The following WNT5B variants were observed in gnomAD, a reference collection of about 807,000 sequenced individuals.
WNT5B encodes the protein protein Wnt-5b.
Under a neutral mutation model 36.5 loss-of-function variants are expected in WNT5B, and 18 were observed. The ratio of observed to expected loss-of-function variants is 0.49; its 90% confidence interval spans 0.34 to 0.73. WNT5B has a LOEUF of 0.73. Among genes scored for constraint, WNT5B ranks in the 30% least tolerant of loss-of-function variants. The pLI is 0.01. For synonymous variants in WNT5B, 213 were observed against 212.3 expected (o/e 1.00, Z -0.03); for missense variants, 424 against 508.4 (o/e 0.83, Z 1.60).
intron 3 of WNT5B, among the ~76,000 whole-genome samples, chr12:1,639,434 G>A: frequency 6.6e-6 from 1 of 152,180 alleles, no homozygotes; most frequent in African/African-American, 2.4e-5. Context: ...ACCGCGCCGG[G>A]CCAGGGACTT....
intron 4 of WNT5B, among the ~76,000 whole-genome samples, chr12:1,642,217 C>T (rs1389870980): frequency 2.6e-5 from 4 of 152,172 alleles, no homozygotes; most frequent in Non-Finnish European, 4.4e-5. Flanking sequence ...TTGGCTGTCT[C>T]CCAGTCTATT....
chr12:1,632,924 AG>A lies in WNT5B; in HGVS notation c.328+22del. On this transcript the variant is annotated intron_variant, in intron 3 of 4. Coordinates refer to ENST00000397196, the MANE Select transcript of WNT5B (RefSeq NM_032642.3). This position sits in a 1 kb window ranked among gnomAD's most constrained non-coding sequence, Gnocchi z 5.8. ...CAGATAGGTAAGAGGCCATTACAAG[AG>A]GGCTCGGCCAAGGAACTGCACTCGT... 6.3e-7 allele frequency: 1 copy of A among 1,591,588 alleles called. No individual in the cohort carries two copies. The highest frequency in any genetic ancestry group is 1.1e-5 in the South Asian group (1 of 89,386).
At chr12:1,622,840 T>C (rs7312426) in intron 1 of WNT5B, among the ~76,000 whole-genome samples, 120,567 of 152,176 alleles carry the variant, frequency 0.79, 48,431 homozygotes, top group African/African-American at 0.9. Context: ...TTAAATGCTG[T>C]GGCTAAAACA....
chr12:1,631,374 TGTTCAC>T lies in WNT5B; in HGVS notation c.22_27del (p.Phe8_Thr9del), dbSNP rs934522436. On this transcript the variant is annotated inframe_deletion, in exon 2 of 5. Transcript: ENST00000397196. ...CCGACCATGCCCAGCCTGCTGCTGC[TGTTCAC>T]GGCTGCTCTGCTGTCCAGCTGGGCT... 4 of 1,614,064 alleles carry T rather than the reference TGTTCAC, an allele frequency of 2.5e-6. No homozygotes were observed. The African/African-American group carries it at 4.0e-5, about 16-fold the overall frequency.
rs1435163515 is a variant in WNT5B at position 1,633,270 on chromosome 12, C to T, written c.328+365C>T. On this transcript the variant is annotated intron_variant, in intron 3 of 4. Coordinates refer to ENST00000397196, the MANE Select transcript of WNT5B (RefSeq NM_032642.3). The surrounding 1 kb of genome is among the most constrained non-coding windows in gnomAD (Gnocchi z 4.8). ...CCGCCACTGCCTTTGTGTCTCAGTG[C>T]AAAAAAGAGCCTTGGGTAGAGAACC... 6.6e-6 allele frequency among the ~76,000 whole-genome samples: 1 copy of T among 151,980 alleles called. No individual in the cohort carries two copies. Among genetic ancestry groups the T allele is most frequent in the Non-Finnish European group, 1.5e-5 (1 of 67,954 alleles).
At position 1,632,804 on chromosome 12, in the gene WNT5B, C is replaced by T. The variant is rs772660910; in HGVS notation, c.227C>T (p.Ala76Val). ...QEHMAYIGEG[A>V]KTGIKECQHQ... is the part of the protein sequence containing the mutation. ...CACATGGCCTACATAGGGGAGGGAG[C>T]CAAGACTGGCATCAAGGAATGCCAG... Residue 76 changes from alanine to valine, a missense_variant, in exon 3 of 5, where the codon GCC becomes GTC. Ala to Val is a moderately conservative substitution (Grantham distance 64). Transcript: ENST00000397196. The surrounding 1 kb of genome is among the most constrained non-coding windows in gnomAD (Gnocchi z 5.8). The T allele has an allele frequency of 1.9e-6, 3 of 1,614,150 alleles. No individual in the cohort carries two copies. Among genetic ancestry groups the T allele is most frequent in the Non-Finnish European group, 2.5e-6 (3 of 1,180,012 alleles).
At chr12:1,631,873 T>C (rs11061882) in intron 2 of WNT5B, among the ~76,000 whole-genome samples, 7,791 of 152,286 alleles carry the variant, frequency 0.051, 292 homozygotes, top group East Asian at 0.12. Flanking sequence ...TCTTATGTTT[T>C]AAGGGCTGTT....
At position 1,633,825 on chromosome 12, in the gene WNT5B, C is replaced by T. The variant is rs113297440; in HGVS notation, c.328+920C>T. ...GGAGTTGGGGAGGTAGAGATTTCTT[C>T]GTGCTCCTCTCTTAGGGAGGATACT... is the stretch of plus-strand genomic sequence containing the variant. On this transcript the variant is annotated intron_variant, in intron 3 of 4. Transcript: ENST00000397196. This position sits in a 1 kb window ranked among gnomAD's most constrained non-coding sequence, Gnocchi z 4.8. 8.5e-5 allele frequency among the ~76,000 whole-genome samples: 13 copies of T among 152,232 alleles called. No individual in the cohort carries two copies. The highest frequency in any genetic ancestry group is 2.6e-4 in the African/African-American group (11 of 41,528).
At chr12:1,620,544 G>T (rs1210206162) in intron 1 of WNT5B, among the ~76,000 whole-genome samples, 11 of 143,796 alleles carry the variant, frequency 7.6e-5, no homozygotes, top group African/African-American at 2.3e-4. Flanking sequence ...TTTTGTTGTT[G>T]TTTTTTTTTT....
rs937511574 is a variant in WNT5B, at chr12:1,644,235, G to A, written c.622-1559G>A. Among the ~76,000 whole-genome samples the A allele has an allele frequency of 6.6e-6, 1 of 152,178 alleles. No individual in the cohort carries two copies. The highest frequency in any genetic ancestry group is 2.4e-5 in the African/African-American group (1 of 41,438). ...CCATCTTTGAAGTGTCTGTCAGGAT[G>A]GGGTGTCAGTTCCTTTATGTCTTGG... On this transcript the variant is annotated intron_variant, in intron 4 of 4. Coordinates refer to ENST00000397196, the MANE Select transcript of WNT5B (RefSeq NM_032642.3). The surrounding 1 kb of genome is among the most constrained non-coding windows in gnomAD (Gnocchi z 5.1).
At chr12:1,636,542 C>CT (rs55956039) in intron 3 of WNT5B, among the ~76,000 whole-genome samples, 799 of 75,102 alleles carry the variant, frequency 0.011, 29 homozygotes, top group African/African-American at 0.036. Context: ...TATATATATA[C>CT]TTTTTTTTTT....
rs2094554683 is a variant in WNT5B, at chr12:1,633,374, C to G, written c.328+469C>G. 6.6e-6 allele frequency among the ~76,000 whole-genome samples: 1 copy of G among 152,148 alleles called. No homozygotes were observed. Among genetic ancestry groups the G allele is most frequent in the Admixed American group, 6.5e-5 (1 of 15,274 alleles). ...TTGACAGAGAGATAGAAATGTCGGC[C>G]AAAGTGTTGATAGCTGTCACTAACC... is the stretch of plus-strand genomic sequence containing the variant. On this transcript the variant is annotated intron_variant, in intron 3 of 4. Coordinates refer to ENST00000397196, the MANE Select transcript of WNT5B (RefSeq NM_032642.3). The surrounding 1 kb of genome is among the most constrained non-coding windows in gnomAD (Gnocchi z 4.8).
At chr12:1,639,607 TC>T in intron 3 of WNT5B, 76 bp from the exon 4 acceptor site, 5 of 1,419,324 alleles carry the variant, frequency 3.5e-6, no homozygotes, top group Non-Finnish European at 4.6e-6. Context: ...TGCGGGTCCG[TC>T]GGGGGAGACG....
At chr12:1,642,167 G>C (rs1302085375) in intron 4 of WNT5B, among the ~76,000 whole-genome samples, 1 of 152,224 alleles carries the variant, frequency 6.6e-6, no homozygotes, top group African/African-American at 2.4e-5. Context: ...GATGACTTCT[G>C]CTCAGGGCGT....
intron 4 of WNT5B, among the ~76,000 whole-genome samples, chr12:1,640,799 T>C (rs930195027): frequency 1.3e-5 from 2 of 152,224 alleles, no homozygotes; most frequent in Admixed American, 1.3e-4. Context: ...CGTGGCTGCC[T>C]CTGCCACACA....
At chr12:1,643,929 C>A (rs1160914415) in intron 4 of WNT5B, among the ~76,000 whole-genome samples, 1 of 151,898 alleles carries the variant, frequency 6.6e-6, no homozygotes, top group African/African-American at 2.4e-5. Flanking sequence ...TGGTGCACTT[C>A]CTCTTGGATT....
At chr12:1,639,322 T>G (rs531728102) in intron 3 of WNT5B, among the ~76,000 whole-genome samples, 1 of 151,970 alleles carries the variant, frequency 6.6e-6, no homozygotes, top group Non-Finnish European at 1.5e-5. Context: ...TATTTTTAGT[T>G]GAGACGAAGG....
At chr12:1,645,698 C>A in intron 4 of WNT5B, 96 bp from the exon 5 acceptor site, 2 of 1,158,514 alleles carry the variant, frequency 1.7e-6, no homozygotes, top group Non-Finnish European at 2.4e-6. Context: ...ACCCTACCGG[C>A]CCCTCCTGTG....
Position 1,632,513 on chromosome 12 carries a change from G to A in WNT5B, c.81-145G>A, listed in dbSNP as rs1308017296. The A allele has an allele frequency of 1.1e-5, 13 of 1,204,124 alleles. No homozygotes were observed. The East Asian group carries it at 3.1e-4, about 29-fold the overall frequency. 74.6% of individuals were successfully genotyped at this position (1,204,124 alleles called of 1,614,324 possible). A position where few individuals can be genotyped will look rare whatever the true frequency, so the allele number is the denominator to read the frequency against. On this transcript the variant is annotated intron_variant, in intron 2 of 4. Transcript: ENST00000397196. This position sits in a 1 kb window ranked among gnomAD's most constrained non-coding sequence, Gnocchi z 5.8. The stretch of plus-strand genomic sequence containing the variant: ...CCTTCAGTTTGTCCTTTGAAGGCCA[G>A]CACTCTGATTTACTAATTTTTCTTT...
Sources: gnomAD v4.1 joint callset for allele counts (sites outside exome capture counted in the v4.1 genomes callset) on GRCh38, gnomAD v4.1.1 for gene constraint, Gnocchi (gnomAD v3.1) non-coding constraint, MANE v1.5 for transcripts, NCBI Gene and HGNC (gene_info 2026-07-23, HGNC 2026-07-21) for gene names.